The following MEIKIN variants were observed in gnomAD, a reference collection of about 807,000 sequenced individuals.
MEIKIN encodes the protein meiosis-specific kinetochore protein.
chr5:131,828,784 T>C (rs1749658611), intron 11 of MEIKIN, among the ~76,000 whole-genome samples: 1 of 152,170 alleles, frequency 6.6e-6, no homozygotes, highest in Non-Finnish European at 1.5e-5. Context: ...CTTGATGTAA[T>C]TAAGTTGGAA....
At chr5:131,892,228 C>T (rs183315960) in intron 8 of MEIKIN, among the ~76,000 whole-genome samples, 45 of 152,162 alleles carry the variant, frequency 3.0e-4, no homozygotes, top group African/African-American at 9.2e-4. Context: ...ATCTTTGTGG[C>T]GTTCTCTGTA....
intron 8 of MEIKIN, among the ~76,000 whole-genome samples, chr5:131,885,422 A>G (rs1019898746): frequency 1.3e-4 from 12 of 93,676 alleles, no homozygotes; most frequent in Admixed American, 1.2e-4. Context: ...AGAGAGAGAG[A>G]GATTGAGATT....
At chr5:131,814,272 A>G (rs1312992247) in intron 12 of MEIKIN, among the ~76,000 whole-genome samples, 3 of 120,964 alleles carry the variant, frequency 2.5e-5, no homozygotes, top group Non-Finnish European at 5.1e-5. Context: ...GAGGCATTGG[A>G]CAGATCTTTT....
chr5:131,852,010 C>G (rs927076581), intron 10 of MEIKIN, among the ~76,000 whole-genome samples: 2 of 152,064 alleles, frequency 1.3e-5, no homozygotes, highest in Non-Finnish European at 2.9e-5. Context: ...ATGTTCATAA[C>G]AGTATTATTC....
intron 5 of MEIKIN, among the ~76,000 whole-genome samples, chr5:131,924,431 CCCA>C (rs1751556232): frequency 6.6e-6 from 1 of 152,172 alleles, no homozygotes; most frequent in Non-Finnish European, 1.5e-5. Flanking sequence ...ATTTTACATT[CCCA>C]CCAACAGTGT....
intron 9 of MEIKIN, among the ~76,000 whole-genome samples, chr5:131,856,184 C>G (rs568575535): frequency 6.6e-6 from 1 of 152,130 alleles, no homozygotes; most frequent in Non-Finnish European, 1.5e-5. Flanking sequence ...ATTTAGTTTT[C>G]GCATTTCAAC....
At chr5:131,831,505 T>C (rs1348171522) in intron 11 of MEIKIN, among the ~76,000 whole-genome samples, 1 of 152,188 alleles carries the variant, frequency 6.6e-6, no homozygotes, top group Non-Finnish European at 1.5e-5. Flanking sequence ...TACAGTGAAC[T>C]ATATCACACC....
intron 5 of MEIKIN, among the ~76,000 whole-genome samples, chr5:131,925,287 C>G (rs184363249): frequency 6.6e-6 from 1 of 152,284 alleles, no homozygotes; most frequent in Non-Finnish European, 1.5e-5. Flanking sequence ...ATATACACTT[C>G]AGGGTTGCTT....
intron 3 of MEIKIN, among the ~76,000 whole-genome samples, chr5:131,943,046 G>A (rs1751900195): frequency 1.3e-5 from 2 of 151,766 alleles, no homozygotes; most frequent in South Asian, 2.1e-4. Flanking sequence ...TAAATCAAAA[G>A]AAAAGACTAG....
At chr5:131,939,490 T>C (rs576375758) in intron 4 of MEIKIN, among the ~76,000 whole-genome samples, 1 of 152,300 alleles carries the variant, frequency 6.6e-6, no homozygotes, top group Non-Finnish European at 1.5e-5. Context: ...ACCTACAGCT[T>C]TACAACATTT....
At chr5:131,927,174 T>C (rs895013258) in intron 5 of MEIKIN, among the ~76,000 whole-genome samples, 6 of 151,954 alleles carry the variant, frequency 3.9e-5, no homozygotes, top group Non-Finnish European at 1.5e-5. Flanking sequence ...TTTTAATATA[T>C]TGTGCTTTCA....
chr5:131,814,821 T>A (rs2149601293), intron 12 of MEIKIN, among the ~76,000 whole-genome samples: 1 of 152,164 alleles, frequency 6.6e-6, no homozygotes, highest in Non-Finnish European at 1.5e-5. Flanking sequence ...GTGGCCACAG[T>A]GGCAAGAATG....
intron 10 of MEIKIN, 89 bp from the exon 11 acceptor site, chr5:131,851,472 ATC>A: frequency 2.5e-6 from 1 of 392,354 alleles, no homozygotes; most frequent in East Asian, 3.6e-5. Flanking sequence ...GAAAAATACC[ATC>A]TCATTGGAAG....
At chr5:131,885,355 G>GAGAGAGAGAA (rs1390811627) in intron 8 of MEIKIN, among the ~76,000 whole-genome samples, 7 of 10,304 alleles carry the variant, frequency 6.8e-4, no homozygotes, top group Non-Finnish European at 1.5e-3. Context: ...GAGAGAGAGA[G>GAGAGAGAGAA]AGAGAGAGAG....
intron 9 of MEIKIN, among the ~76,000 whole-genome samples, chr5:131,870,225 T>C (rs1309013483): frequency 6.6e-6 from 1 of 152,218 alleles, no homozygotes; most frequent in East Asian, 1.9e-4. Flanking sequence ...ATATTTTTAA[T>C]GTAAATAATC....
chr5:131,920,588 T>C (rs1751486791), intron 6 of MEIKIN, among the ~76,000 whole-genome samples: 1 of 152,210 alleles, frequency 6.6e-6, no homozygotes, highest in African/African-American at 2.4e-5. Context: ...AGACATAATA[T>C]TCTTCAAATA....
chr5:131,945,604 G>T lies in MEIKIN; in HGVS notation c.-99C>A. 2.5e-6 allele frequency: 1 copy of T among 398,868 alleles called. No homozygotes were observed. Among genetic ancestry groups the T allele is most frequent in the Non-Finnish European group, 4.4e-6 (1 of 225,462 alleles). The allele number at this position is 398,868 out of a possible 1,614,324, so 24.7% of individuals were successfully genotyped here. A position where few individuals can be genotyped will look rare whatever the true frequency, so the allele number is the denominator to read the frequency against. On this transcript the variant is annotated 5_prime_UTR_variant, in exon 1 of 13. Coordinates refer to ENST00000442687, the MANE Select transcript of MEIKIN (RefSeq NM_001303622.2). ...TAAGTCACAGGGAGTCAGCGTCCAG[G>T]CGAGGCCCGCGGAGCAGCCTCACAG...
At chr5:131,900,218 G>A (rs921831413) in intron 8 of MEIKIN, among the ~76,000 whole-genome samples, 3 of 152,234 alleles carry the variant, frequency 2.0e-5, no homozygotes, top group Admixed American at 6.5e-5. Flanking sequence ...ACACAGCCAG[G>A]AGGAACATCT....
chr5:131,821,779 G>A (rs1335707362), intron 11 of MEIKIN, among the ~76,000 whole-genome samples: 1 of 151,582 alleles, frequency 6.6e-6, no homozygotes, highest in Non-Finnish European at 1.5e-5. Context: ...ATGTATAGCT[G>A]GTGCCACTAT....
Sources: allele counts gnomAD v4.1 joint callset (sites outside exome capture counted in the v4.1 genomes callset), GRCh38; gene constraint gnomAD v4.1.1; transcripts MANE v1.5; gene names NCBI Gene and HGNC (gene_info 2026-07-23, HGNC 2026-07-21).